The following DENND1A variants were observed in gnomAD, a reference collection of about 807,000 sequenced individuals.
The protein encoded by DENND1A is DENN domain-containing protein 1A.
A neutral mutation model predicts 113.7 loss-of-function variants in DENND1A; 51 were observed. That is an observed-to-expected ratio of 0.45 (90% CI 0.36 to 0.57). The LOEUF is 0.57. DENND1A is among the 20% of genes least tolerant of loss of function. The pLI is 0.00. For missense variants in DENND1A, 1,258 were observed against 1,395.9 expected, an observed-to-expected ratio of 0.90 and a Z score of 1.57; for synonymous variants, 565 against 570.8, an observed-to-expected ratio of 0.99 and a Z score of 0.14.
intron 1 of DENND1A, among the ~76,000 whole-genome samples, chr9:123,919,089 T>C (rs1439669514): frequency 6.6e-6 from 1 of 152,170 alleles, no homozygotes; most frequent in East Asian, 1.9e-4. Flanking sequence ...TTGCAATGTA[T>C]GAACTTCGCT....
At chr9:123,639,196 C>A (rs1316365832) in intron 9 of DENND1A, among the ~76,000 whole-genome samples, 2 of 151,786 alleles carry the variant, frequency 1.3e-5, no homozygotes, top group African/African-American at 4.8e-5. Flanking sequence ...CCAGCACTTA[C>A]GGAGGCCAAG....
At chr9:123,695,209 C>CATATATAT (rs148320024) in intron 5 of DENND1A, among the ~76,000 whole-genome samples, 24 of 149,162 alleles carry the variant, frequency 1.6e-4, no homozygotes, top group Admixed American at 6.6e-4. Context: ...AATAACTCTC[C>CATATATAT]ATATATATAT....
intron 21 of DENND1A, among the ~76,000 whole-genome samples, chr9:123,396,932 G>C (rs1299177140): frequency 6.6e-6 from 1 of 152,178 alleles, no homozygotes; most frequent in East Asian, 1.9e-4. Flanking sequence ...CTTACAACTG[G>C]TTAAGGGTAA....
At chr9:123,529,528 A>G (rs1241502662) in intron 13 of DENND1A, among the ~76,000 whole-genome samples, 2 of 152,230 alleles carry the variant, frequency 1.3e-5, no homozygotes, top group Non-Finnish European at 2.9e-5. Context: ...GACAAGTGGT[A>G]TACAAACAAA....
intron 11 of DENND1A, among the ~76,000 whole-genome samples, chr9:123,607,086 C>T (rs1284952716): frequency 6.6e-6 from 1 of 152,096 alleles, no homozygotes; most frequent in Non-Finnish European, 1.5e-5. Context: ...TGGAAGGCTC[C>T]TCCTCAAGTA....
At chr9:123,924,648 CAAA>C (rs754322241) in intron 1 of DENND1A, among the ~76,000 whole-genome samples, 3 of 105,244 alleles carry the variant, frequency 2.9e-5, no homozygotes, top group Non-Finnish European at 2.1e-5. Flanking sequence ...GAAACTGTCT[CAAA>C]AAAAAAAAAA....
intron 13 of DENND1A, among the ~76,000 whole-genome samples, chr9:123,521,964 G>A (rs923890548): frequency 3.9e-5 from 6 of 152,178 alleles, no homozygotes; most frequent in African/African-American, 1.2e-4. Flanking sequence ...CACCCATGCC[G>A]GCTCCCTTCC....
chr9:123,843,923 A>C (rs1310104837), intron 2 of DENND1A, among the ~76,000 whole-genome samples: 1 of 152,208 alleles, frequency 6.6e-6, no homozygotes. Flanking sequence ...ACGTCCAAAA[A>C]TAGATTAATG....
At chr9:123,395,405 C>G (rs1163446039) in intron 21 of DENND1A, among the ~76,000 whole-genome samples, 1 of 151,870 alleles carries the variant, frequency 6.6e-6, no homozygotes, top group Admixed American at 6.5e-5. Flanking sequence ...AGTTTAGGCT[C>G]AGGCTCCACG....
chr9:123,480,834 T>C (rs2050275361), intron 13 of DENND1A, among the ~76,000 whole-genome samples: 2 of 152,246 alleles, frequency 1.3e-5, no homozygotes, highest in Non-Finnish European at 2.9e-5. Flanking sequence ...CACTCTTGTA[T>C]GGGAGTGAGT....
chr9:123,774,750 G>A (rs1830223367), intron 3 of DENND1A, among the ~76,000 whole-genome samples: 1 of 151,926 alleles, frequency 6.6e-6, no homozygotes, highest in Non-Finnish European at 1.5e-5. Flanking sequence ...TCATATACAT[G>A]TTATAATTAT....
chr9:123,701,627 G>A (rs1169421987), intron 5 of DENND1A, among the ~76,000 whole-genome samples: 2 of 152,202 alleles, frequency 1.3e-5, no homozygotes, highest in Non-Finnish European at 2.9e-5. Flanking sequence ...ACTGCCAGCT[G>A]ACTACAGTGG....
At chr9:123,710,145 C>T (rs975260668) in intron 5 of DENND1A, among the ~76,000 whole-genome samples, 1 of 152,186 alleles carries the variant, frequency 6.6e-6, no homozygotes, top group African/African-American at 2.4e-5. Flanking sequence ...GAAAGCACTT[C>T]CAAATCTTTA....
chr9:123,614,650 G>T (rs2060563870), intron 10 of DENND1A, among the ~76,000 whole-genome samples: 2 of 152,150 alleles, frequency 1.3e-5, no homozygotes, highest in Middle Eastern at 3.4e-3. Context: ...AAACAAGGGA[G>T]AGGCGGTCCC....
In DENND1A at chr9:123,381,440, AG is replaced by A; in HGVS notation, c.3204del (p.Phe1069SerfsTer57). On this transcript the variant is annotated frameshift_variant, in exon 24 of 24. Coordinates refer to ENST00000394215, the MANE Select transcript of DENND1A (RefSeq NM_001352964.2). LOFTEE classifies it high-confidence loss of function. The surrounding 1 kb of genome is among the most constrained non-coding windows in gnomAD (Gnocchi z 4.7). The stretch of plus-strand genomic sequence containing the variant: ...CACCCTCAGGGCCCGGCTCACTCGA[AG>A]GTCTCCCACTGCTTCCTGAGCTGCT... ...SVEQLRKQWETFE is the reference protein window; with the variant it reads ...SVEQLRKQWEXFE The A allele has an allele frequency of 6.2e-7, 1 of 1,613,126 alleles. No individual in the cohort carries two copies. The highest frequency in any genetic ancestry group is 8.5e-7 in the Non-Finnish European group (1 of 1,179,914).
intron 13 of DENND1A, among the ~76,000 whole-genome samples, chr9:123,488,749 ACT>A (rs2051103904): frequency 6.6e-6 from 1 of 152,092 alleles, no homozygotes; most frequent in African/African-American, 2.4e-5. Context: ...CATAAAGTAA[ACT>A]CTGTCCTCTG....
chr9:123,416,714 G>C (rs2044756640), intron 19 of DENND1A, among the ~76,000 whole-genome samples: 1 of 152,246 alleles, frequency 6.6e-6, no homozygotes, highest in Admixed American at 6.5e-5. Context: ...GAGAAGGCCG[G>C]AGTTTTCTTC....
At chr9:123,505,067 C>A (rs1486908759) in intron 13 of DENND1A, among the ~76,000 whole-genome samples, 1 of 152,192 alleles carries the variant, frequency 6.6e-6, no homozygotes, top group Non-Finnish European at 1.5e-5. Context: ...TCACATATTT[C>A]TGCAAGATAA....
intron 5 of DENND1A, among the ~76,000 whole-genome samples, chr9:123,684,608 G>A (rs527677021): frequency 6.6e-6 from 1 of 152,286 alleles, no homozygotes; most frequent in South Asian, 2.1e-4. Flanking sequence ...TCCTCCCTAA[G>A]GGAAAAGCAC....
Sources: allele counts gnomAD v4.1 joint callset (sites outside exome capture counted in the v4.1 genomes callset), GRCh38; gene constraint gnomAD v4.1.1; non-coding constraint Gnocchi (gnomAD v3.1); transcripts MANE v1.5; gene names NCBI Gene and HGNC (gene_info 2026-07-23, HGNC 2026-07-21).